The following SH3D19 variants were observed in gnomAD, a reference collection of about 807,000 sequenced individuals.
SH3D19 encodes SH3 domain-containing protein 19.
A neutral mutation model predicts 112.1 loss-of-function variants in SH3D19; 58 were observed. The ratio of observed to expected loss-of-function variants is 0.52; its 90% confidence interval spans 0.42 to 0.64. The LOEUF (loss-of-function observed/expected upper bound fraction) is 0.64, where lower values mean the gene tolerates loss of function less well. SH3D19 is among the 30% of genes least tolerant of loss of function. SH3D19 has a pLI of 0.00. For synonymous variants in SH3D19, 391 were observed against 448.5 expected, an observed-to-expected ratio of 0.87 and a Z score of 1.62; for missense variants, 1,090 against 1,263.4, an observed-to-expected ratio of 0.86 and a Z score of 2.08.
chr4:151,132,444 T>C, intron 16 of SH3D19, 61 bp from the exon 17 acceptor site: 3 of 1,472,210 alleles, frequency 2.0e-6, no homozygotes, highest in Non-Finnish European at 2.8e-6. Flanking sequence ...GGCCACATAG[T>C]ATTAAAAACA....
Position 151,159,539 on chromosome 4 carries a change from T to C in SH3D19, c.1643-187A>G, listed in dbSNP as rs561565348. Among the ~76,000 whole-genome samples, 7 of 152,354 alleles carry C rather than the reference T, an allele frequency of 4.6e-5. No homozygotes were observed. The South Asian group carries it at 1.4e-3, about 32-fold the overall frequency. On this transcript the variant is annotated intron_variant, in intron 8 of 19. Coordinates refer to ENST00000604030, the MANE Select transcript of SH3D19 (RefSeq NM_001378122.1). The stretch of plus-strand genomic sequence containing the variant: ...TGTGTTAGTCAACATCAGTTAATTT[T>C]ACTATATGTTTTTATAGAGAGTGAA...
chr4:151,230,947 G>A (rs971050550), intron 1 of SH3D19, among the ~76,000 whole-genome samples: 5 of 152,082 alleles, frequency 3.3e-5, no homozygotes, highest in Non-Finnish European at 5.9e-5. Flanking sequence ...CCAATGAAGC[G>A]ATTCTGTAGC....
intron 19 of SH3D19, among the ~76,000 whole-genome samples, chr4:151,126,203 G>A (rs542751869): frequency 2.0e-5 from 3 of 152,306 alleles, no homozygotes; most frequent in Admixed American, 2.0e-4. Flanking sequence ...GGGATTAGAG[G>A]TGTGAGCCAC....
At chr4:151,191,870 C>T (rs568247450) in intron 2 of SH3D19, among the ~76,000 whole-genome samples, 1 of 151,482 alleles carries the variant, frequency 6.6e-6, no homozygotes, top group African/African-American at 2.4e-5. Flanking sequence ...TGGTCTTGAT[C>T]TCCTGACCTC....
At chr4:151,288,256 G>T (rs1775011191) in intron 1 of SH3D19, among the ~76,000 whole-genome samples, 1 of 152,144 alleles carries the variant, frequency 6.6e-6, no homozygotes, top group Non-Finnish European at 1.5e-5. Context: ...ATGCAACACT[G>T]TACTGGAGGT....
At chr4:151,189,588 T>C (rs1762319174) in intron 2 of SH3D19, among the ~76,000 whole-genome samples, 1 of 152,050 alleles carries the variant, frequency 6.6e-6, no homozygotes, top group African/African-American at 2.4e-5. Context: ...ATAAGTCTTA[T>C]GAGATCTGAT....
chr4:151,282,105 C>G, intron 1 of SH3D19: 1 of 1,604,300 alleles, frequency 6.2e-7, no homozygotes, highest in Non-Finnish European at 8.5e-7. Context: ...CTGTTCTGAC[C>G]CAGCTGCAGG....
chr4:151,188,544 C>G (rs904877360), intron 2 of SH3D19, among the ~76,000 whole-genome samples: 1 of 152,134 alleles, frequency 6.6e-6, no homozygotes, highest in Non-Finnish European at 1.5e-5. Context: ...CATTATGTTA[C>G]TACTGCTCAA....
At chr4:151,286,620 C>T (rs1303802751) in intron 1 of SH3D19, among the ~76,000 whole-genome samples, 3 of 147,830 alleles carry the variant, frequency 2.0e-5, no homozygotes, top group African/African-American at 5.0e-5. Context: ...AAAAAAACTA[C>T]GAAGAAATAA....
At chr4:151,143,799 C>G in intron 12 of SH3D19, 111 bp downstream of exon 12, 1 of 1,240,910 alleles carries the variant, frequency 8.1e-7, no homozygotes, top group Non-Finnish European at 1.1e-6. Flanking sequence ...AATTTTTACT[C>G]TGGTTAAAAT....
In SH3D19 at chr4:151,133,084, T is replaced by C; in HGVS notation, c.2639A>G (p.Asn880Ser). 1 of 1,614,066 alleles carries C rather than the reference T, an allele frequency of 6.2e-7. No individual in the cohort carries two copies. The highest frequency in any genetic ancestry group is 8.5e-7 in the Non-Finnish European group (1 of 1,179,938). ...VRGRTGIFPL[N>S]FVEPVEDYPT... ...ATAATCCTCAACAGGCTCCACAAAG[T>C]TCAGGGGGAAAATCCCAGTTCTGCC... is the stretch of plus-strand genomic sequence containing the variant. The change falls in exon 16 of 20, where the codon AAC (asparagine) becomes AGC (serine). Residue 880 changes from asparagine to serine, a missense_variant. Asn to Ser is a conservative substitution (Grantham distance 46). Transcript: ENST00000604030.
At chr4:151,214,688 C>A (rs1486225193) in intron 2 of SH3D19, among the ~76,000 whole-genome samples, 2 of 97,288 alleles carry the variant, frequency 2.1e-5, no homozygotes, top group African/African-American at 6.2e-5. Context: ...CAGAGGGGCT[C>A]CTCACTTCCC....
chr4:151,275,848 A>ATT (rs370367821), intron 1 of SH3D19, among the ~76,000 whole-genome samples: 2 of 135,268 alleles, frequency 1.5e-5, no homozygotes, highest in East Asian at 4.5e-4. Flanking sequence ...TATTATTATT[A>ATT]TTTTTTTTTT....
At chr4:151,175,837 GT>G in intron 6 of SH3D19, 163 bp from the exon 7 acceptor site, 2 of 603,034 alleles carry the variant, frequency 3.3e-6, no homozygotes, top group Non-Finnish European at 4.8e-6. Flanking sequence ...AAATGGAAAT[GT>G]TTATTCTGTT....
chr4:151,289,262 G>A (rs1417560110), intron 1 of SH3D19, among the ~76,000 whole-genome samples: 1 of 152,170 alleles, frequency 6.6e-6, no homozygotes, highest in African/African-American at 2.4e-5. Flanking sequence ...AAATATAAGA[G>A]CTAAACTATA....
intron 1 of SH3D19, among the ~76,000 whole-genome samples, chr4:151,286,271 A>G (rs1252065162): frequency 6.6e-6 from 1 of 151,178 alleles, no homozygotes; most frequent in Non-Finnish European, 1.5e-5. Context: ...GAAATAGAGA[A>G]CAGAAAGACA....
chr4:151,256,014 G>GGGAGAGGGAGAGGGAGAC (rs1368132056), intron 1 of SH3D19, among the ~76,000 whole-genome samples: 1 of 22,008 alleles, frequency 4.5e-5, no homozygotes, highest in Admixed American at 5.1e-4. Context: ...GAAAGAGAGG[G>GGGAGAGGGAGAGGGAGAC]GGAGAGGGAG....
chr4:151,246,735 C>G (rs1418905794), intron 1 of SH3D19, among the ~76,000 whole-genome samples: 1 of 152,176 alleles, frequency 6.6e-6, no homozygotes, highest in Non-Finnish European at 1.5e-5. Context: ...AGTATGTTCT[C>G]TTACCCAGAA....
At chr4:151,312,415 C>A (rs1315122105) in intron 1 of SH3D19, among the ~76,000 whole-genome samples, 1 of 152,158 alleles carries the variant, frequency 6.6e-6, no homozygotes, top group Non-Finnish European at 1.5e-5. Flanking sequence ...AGCAACTATT[C>A]CGGAAGTAAT....
Sources: allele counts gnomAD v4.1 joint callset (sites outside exome capture counted in the v4.1 genomes callset), GRCh38; gene constraint gnomAD v4.1.1; transcripts MANE v1.5; gene names NCBI Gene and HGNC (gene_info 2026-07-23, HGNC 2026-07-21).